Variants in STAU2 observed in about 807,000 individuals in gnomAD.
The protein encoded by STAU2 is double-stranded RNA-binding protein Staufen homolog 2.
STAU2 carries 20 observed loss-of-function variants against 65.9 expected under a neutral mutation model. That is an observed-to-expected ratio of 0.30 (90% CI 0.21 to 0.44). The LOEUF is 0.44. Ranked by LOEUF, STAU2 falls within the 20% of genes least tolerant of loss-of-function variation. STAU2 has a pLI of 1.00. For missense variants in STAU2, 558 were observed against 683.9 expected (o/e 0.82, Z 2.05); for synonymous variants, 232 against 233.9 (o/e 0.99, Z 0.07).
rs182352029 is a variant in STAU2, at chr8:73,650,243, G to A, written c.410+22864C>T. ...GCTAACATAGAATCTTATGTTGGAT[G>A]AAACCTTGGAAATCATTTAAATTTT... On this transcript the variant is annotated intron_variant, in intron 6 of 14. Transcript: ENST00000524300. Among the ~76,000 whole-genome samples, 4 of 151,942 alleles carry A rather than the reference G, an allele frequency of 2.6e-5. No individual in the cohort carries two copies. In the East Asian group the frequency reaches 7.7e-4, roughly 29 times the overall value.
chr8:73,647,984 G>C (rs1480787384), intron 6 of STAU2, among the ~76,000 whole-genome samples: 1 of 152,216 alleles, frequency 6.6e-6, no homozygotes, highest in Non-Finnish European at 1.5e-5. Flanking sequence ...ATACTGGTTT[G>C]AAATATTGTC....
chr8:73,689,221 T>G (rs541559852), intron 4 of STAU2, among the ~76,000 whole-genome samples: 14 of 152,324 alleles, frequency 9.2e-5, no homozygotes, highest in Admixed American at 8.5e-4. Flanking sequence ...GAATGTTACA[T>G]TTAGCACAAT....
intron 12 of STAU2, 43 bp from the exon 13 acceptor site, chr8:73,552,362 C>G: frequency 6.6e-7 from 1 of 1,522,814 alleles, no homozygotes. Context: ...CTTAAAATAA[C>G]CGAAATAGAA....
chr8:73,626,891 C>G (rs1348185977), intron 6 of STAU2, among the ~76,000 whole-genome samples: 4 of 151,924 alleles, frequency 2.6e-5, no homozygotes, highest in East Asian at 1.9e-4. Flanking sequence ...AAGGGTGCAC[C>G]CAGCCTGGAG....
At chr8:73,449,362 G>A (rs2128894383) in intron 13 of STAU2, among the ~76,000 whole-genome samples, 1 of 152,338 alleles carries the variant, frequency 6.6e-6, no homozygotes, top group Middle Eastern at 3.4e-3. Context: ...CAGCACACCT[G>A]GCTGCTCTGT....
chr8:73,527,862 AT>A, intron 13 of STAU2: 1 of 637,474 alleles, frequency 1.6e-6, no homozygotes, highest in Non-Finnish European at 2.4e-6. Flanking sequence ...CAAGATGCAA[AT>A]AGGTCCTTTT....
At chr8:73,438,486 T>G (rs560449653) in intron 13 of STAU2, among the ~76,000 whole-genome samples, 12 of 152,330 alleles carry the variant, frequency 7.9e-5, no homozygotes, top group Admixed American at 7.2e-4. Flanking sequence ...CCACTCAGAT[T>G]GGCTGCAGCC....
At chr8:73,532,214 T>C (rs1585946206) in intron 13 of STAU2, among the ~76,000 whole-genome samples, 2 of 152,154 alleles carry the variant, frequency 1.3e-5, no homozygotes, top group African/African-American at 2.4e-5. Context: ...GTTTCAACCA[T>C]AGCATCACAT....
chr8:73,538,334 C>T (rs954092334), intron 13 of STAU2, among the ~76,000 whole-genome samples: 3 of 151,934 alleles, frequency 2.0e-5, no homozygotes, highest in African/African-American at 7.2e-5. Flanking sequence ...TTTTTAAGGG[C>T]CATTTACAAT....
At chr8:73,667,744 A>G (rs1817341786) in intron 6 of STAU2, among the ~76,000 whole-genome samples, 1 of 152,208 alleles carries the variant, frequency 6.6e-6, no homozygotes, top group South Asian at 2.1e-4. Context: ...TGTGGCAATG[A>G]GTAGGCATGC....
At chr8:73,465,019 A>G (rs148136791) in intron 13 of STAU2, among the ~76,000 whole-genome samples, 1 of 152,374 alleles carries the variant, frequency 6.6e-6, no homozygotes, top group East Asian at 1.9e-4. Context: ...ATAAGAATAA[A>G]CAGCAACATG....
chr8:73,603,932 CAG>C (rs1305047936), intron 9 of STAU2, 69 bp from the exon 10 acceptor site: 16 of 1,495,680 alleles, frequency 1.1e-5, no homozygotes, highest in Admixed American at 4.5e-5. Context: ...CTTAAAGAAA[CAG>C]TGCTTCTTCC....
At chr8:73,556,892 C>T (rs1219000390) in intron 12 of STAU2, among the ~76,000 whole-genome samples, 1 of 152,054 alleles carries the variant, frequency 6.6e-6, no homozygotes, top group Non-Finnish European at 1.5e-5. Flanking sequence ...AAACTGTAGA[C>T]ATTATGTGCA....
intron 13 of STAU2, among the ~76,000 whole-genome samples, chr8:73,548,675 G>A (rs1441550634): frequency 5.3e-5 from 8 of 152,096 alleles, no homozygotes; most frequent in Admixed American, 5.2e-4. Context: ...ACTAATTATA[G>A]TTTAACTAAA....
intron 13 of STAU2, among the ~76,000 whole-genome samples, chr8:73,457,195 A>T (rs1174373191): frequency 6.7e-6 from 1 of 150,246 alleles, no homozygotes; most frequent in Non-Finnish European, 1.5e-5. Context: ...AGAATACTAA[A>T]GAGATCTACC....
intron 1 of STAU2, 34 bp downstream of exon 1, chr8:73,746,749 G>T (rs1452374528): frequency 8.4e-7 from 1 of 1,192,844 alleles, no homozygotes; most frequent in Non-Finnish European, 1.1e-6. Context: ...GCGGAAGTCG[G>T]GGTCTCCCGG....
intron 12 of STAU2, among the ~76,000 whole-genome samples, chr8:73,559,412 G>A (rs1473857328): frequency 1.3e-5 from 2 of 152,216 alleles, no homozygotes; most frequent in African/African-American, 4.8e-5. Context: ...GGCTGGCACT[G>A]GCAATGCCTG....
At chr8:73,679,978 ATTTTTT>A (rs1160379353) in intron 5 of STAU2, among the ~76,000 whole-genome samples, 13 of 81,394 alleles carry the variant, frequency 1.6e-4, no homozygotes, top group Admixed American at 1.6e-3. Context: ...TAGGGAAGCC[ATTTTTT>A]TTTTTTTTTT....
intron 6 of STAU2, among the ~76,000 whole-genome samples, chr8:73,619,463 T>A (rs1813069376): frequency 1.3e-5 from 2 of 152,244 alleles, no homozygotes; most frequent in Admixed American, 1.3e-4. Context: ...TACTATATTT[T>A]AGATAATTAC....
Sources: gnomAD v4.1 joint callset for allele counts (sites outside exome capture counted in the v4.1 genomes callset) on GRCh38, gnomAD v4.1.1 for gene constraint, MANE v1.5 for transcripts, NCBI Gene and HGNC (gene_info 2026-07-23, HGNC 2026-07-21) for gene names.